SLC1A7: variants seen among roughly 807,000 people sequenced by gnomAD.
The protein encoded by SLC1A7 is solute carrier family 1 member 7, also known as excitatory amino acid transporter 5.
A neutral mutation model predicts 47.7 loss-of-function variants in SLC1A7; 40 were observed. That is an observed-to-expected ratio of 0.84 (90% CI 0.65 to 1.09). The LOEUF is 1.09. SLC1A7 is among the 50% of genes least tolerant of loss of function. The pLI is 0.00. For synonymous variants in SLC1A7, 323 were observed against 325.6 expected, an observed-to-expected ratio of 0.99 and a Z score of 0.09; for missense variants, 746 against 769.5, an observed-to-expected ratio of 0.97 and a Z score of 0.36.
chr1:53,099,543 C>T lies in SLC1A7; in HGVS notation c.697+3803G>A, dbSNP rs1644547121. ...CTTGGTACACTCACACACCCCACCACAATACCCTCACTTTGCCTCGGTACA... is the reference window on the plus strand; with the variant it reads ...CTTGGTACACTCACACACCCCACCATAATACCCTCACTTTGCCTCGGTACA... On this transcript the variant is annotated intron_variant, in intron 5 of 10. Transcript: ENST00000371494. 6.7e-5 allele frequency among the ~76,000 whole-genome samples: 10 copies of T among 149,518 alleles called. No homozygotes were observed. In the South Asian group the frequency reaches 2.1e-3, roughly 32 times the overall value.
intron 2 of SLC1A7, among the ~76,000 whole-genome samples, chr1:53,120,881 G>A (rs1382134518): frequency 1.3e-5 from 2 of 152,256 alleles, no homozygotes; most frequent in Non-Finnish European, 2.9e-5. Context: ...GCCCTCTGAA[G>A]GCTGCCCTGG....
Position 53,103,483 on chromosome 1 carries a change from A to C in SLC1A7, c.560T>G (p.Val187Gly). ...CACATGGGAGCCATTCTCCTCCTGG[A>C]CCCCGTAGATGAGGATCCGCCGAGG... is the stretch of plus-strand genomic sequence containing the variant. Reference protein sequence around the residue: ...APPRRILIYGVQEENGSHVQN... With the variant: ...APPRRILIYGGQEENGSHVQN... The change falls in exon 5 of 11, where the codon GTC becomes GGC. Residue 187 changes from valine (V) to glycine (G), a missense_variant. Transcript: ENST00000371494. The C allele has an allele frequency of 6.2e-7, 1 of 1,612,830 alleles. No homozygotes were observed. The highest frequency in any genetic ancestry group is 1.3e-5 in the African/African-American group (1 of 74,834).
chr1:53,106,211 G>T (rs13375492), intron 3 of SLC1A7, among the ~76,000 whole-genome samples: 2 of 151,976 alleles, frequency 1.3e-5, no homozygotes, highest in African/African-American at 4.8e-5. Flanking sequence ...CCGCCTTGCA[G>T]GTGGGACTTG....
rs912845676 is a variant in SLC1A7, at chr1:53,108,390, G to A, written c.432-2616C>T. ...CTTTACAATTACAATCATTTTAAATGTGGGCCTTGGCAGGGACAGCTAGTT... is the reference window on the plus strand; with the variant it reads ...CTTTACAATTACAATCATTTTAAATATGGGCCTTGGCAGGGACAGCTAGTT... On this transcript the variant is annotated intron_variant, in intron 3 of 10. Transcript: ENST00000371494. 16 of 594,762 alleles carry A rather than the reference G, an allele frequency of 2.7e-5. No individual in the cohort carries two copies. The African/African-American group carries it at 3.0e-4, about 11-fold the overall frequency. The allele number at this position is 594,762 out of a possible 1,614,324, so 36.8% of individuals were successfully genotyped here. A position where few individuals can be genotyped will look rare whatever the true frequency, so the allele number is the denominator to read the frequency against.
chr1:53,092,336 C>T (rs569940733), intron 7 of SLC1A7, among the ~76,000 whole-genome samples: 2 of 152,366 alleles, frequency 1.3e-5, no homozygotes, highest in Admixed American at 6.5e-5. Context: ...ACTCAGTGAG[C>T]TTGAGGACTG....
In SLC1A7 at chr1:53,116,566, T is replaced by TA. The variant is rs754482036; in HGVS notation, c.216-1594dup. Among the ~76,000 whole-genome samples the TA allele has an allele frequency of 6.6e-5, 10 of 152,298 alleles. No individual in the cohort carries two copies. In the East Asian group the frequency reaches 1.5e-3, roughly 24 times the overall value. ...TTAGACATAAATCCTGAAGGGCTCA[T>TA]AATGGGATTGTGCAGCCAGAGGAAA... On this transcript the variant is annotated intron_variant, in intron 2 of 10. Coordinates refer to ENST00000371494, the MANE Select transcript of SLC1A7 (RefSeq NM_006671.6).
intron 3 of SLC1A7, among the ~76,000 whole-genome samples, chr1:53,108,947 A>T (rs1246982619): frequency 1.3e-5 from 2 of 152,216 alleles, no homozygotes; most frequent in Non-Finnish European, 2.9e-5. Flanking sequence ...GGGGAAATGT[A>T]CATTTTCTTT....
chr1:53,129,540 CAGGGGCTGGGTTG>C (rs1553164869), intron 2 of SLC1A7, among the ~76,000 whole-genome samples: 7 of 101,400 alleles, frequency 6.9e-5, no homozygotes, highest in East Asian at 3.0e-4. Context: ...GGACTTGGGC[CAGGGGCTGGGTTG>C]GAGAAATTCT....
chr1:53,132,594 C>T (rs551785958), intron 2 of SLC1A7, among the ~76,000 whole-genome samples: 1 of 152,240 alleles, frequency 6.6e-6, no homozygotes, highest in Admixed American at 6.5e-5. Flanking sequence ...GCCTATAATT[C>T]CCGCACTTTG....
chr1:53,107,293 C>T (rs1457536510), intron 3 of SLC1A7, among the ~76,000 whole-genome samples: 1 of 151,056 alleles, frequency 6.6e-6, no homozygotes, highest in Non-Finnish European at 1.5e-5. Flanking sequence ...GATTTTACTA[C>T]ATGAAAATAA....
At chr1:53,090,952 G>A (rs1283942954) in intron 7 of SLC1A7, 146 bp from the exon 8 acceptor site, 26 of 1,524,222 alleles carry the variant, frequency 1.7e-5, no homozygotes, top group East Asian at 2.5e-5. Flanking sequence ...GGTAAGGACC[G>A]CGGGCACTGC....
At chr1:53,106,707 T>G (rs1021289877) in intron 3 of SLC1A7, among the ~76,000 whole-genome samples, 1 of 152,232 alleles carries the variant, frequency 6.6e-6, no homozygotes, top group African/African-American at 2.4e-5. Flanking sequence ...TCTAAGTGTT[T>G]CGTACTTGAT....
In SLC1A7 at chr1:53,090,806, G is replaced by C; in HGVS notation, c.1032C>G (p.Ser344Arg). 6.2e-7 allele frequency: 1 copy of C among 1,609,034 alleles called. No homozygotes were observed. The highest frequency in any genetic ancestry group is 8.5e-7 in the Non-Finnish European group (1 of 1,177,802). Reference sequence around the variant, plus strand: ...TGAAGGTGATGGGCAGTGTGGCTGAGCTACGGTTAGAGGGGCCGGTGTCTG... The same window carrying C: ...TGAAGGTGATGGGCAGTGTGGCTGACCTACGGTTAGAGGGGCCGGTGTCTG... ...ALLIALATSSSSATLPITFKC... is the reference protein window; with the variant it reads ...ALLIALATSSRSATLPITFKC... The change falls in exon 8 of 11, where the codon AGC becomes AGG. Residue 344 changes from serine to arginine, a missense_variant and splice_region_variant. Physicochemically the swap from Ser to Arg is moderately radical, Grantham distance 110. Transcript: ENST00000371494.
chr1:53,099,162 T>G (rs1308479065), intron 5 of SLC1A7, among the ~76,000 whole-genome samples: 3 of 49,654 alleles, frequency 6.0e-5, no homozygotes, highest in East Asian at 1.5e-3. Flanking sequence ...CTCGGTACAC[T>G]CACAGAGTCT....
At chr1:53,101,449 A>G (rs992562500) in intron 5 of SLC1A7, among the ~76,000 whole-genome samples, 1 of 115,898 alleles carries the variant, frequency 8.6e-6, no homozygotes, top group Non-Finnish European at 1.8e-5. Context: ...ACATCTCACA[A>G]CGGTACACTC....
rs1391637799 is a variant in SLC1A7, at chr1:53,087,992, C to T, written c.*17G>A. On this transcript the variant is annotated 3_prime_UTR_variant, in exon 11 of 11. Transcript: ENST00000371494. ...CCTGCCCCTGGAGGCCTCGCCTGCCCCTGCAGCTCCGCAGGCTCAGACATT... is the reference window on the plus strand; with the variant it reads ...CCTGCCCCTGGAGGCCTCGCCTGCCTCTGCAGCTCCGCAGGCTCAGACATT... 5.5e-6 allele frequency: 8 copies of T among 1,443,830 alleles called. No individual in the cohort carries two copies. In the Admixed American group the frequency reaches 1.3e-4, roughly 24 times the overall value. The allele number at this position is 1,443,830 out of a possible 1,614,324, so 89.4% of individuals were successfully genotyped here. A position where few individuals can be genotyped will look rare whatever the true frequency, so the allele number is the denominator to read the frequency against.
At chr1:53,098,013 A>C (rs61769977) in intron 5 of SLC1A7, among the ~76,000 whole-genome samples, 140 of 104,420 alleles carry the variant, frequency 1.3e-3, no homozygotes, top group Middle Eastern at 8.2e-3. Context: ...TACACTCACA[A>C]ACCCTGCCTC....
rs1457371623 is a variant in SLC1A7 at position 53,092,752 on chromosome 1, C to T, written c.833G>A (p.Gly278Asp). Residue 278 changes from glycine to aspartate, a missense_variant, in exon 7 of 11, where the codon GGT (glycine) becomes GAT (aspartate). Physicochemically the swap from Gly to Asp is moderately conservative, Grantham distance 94. Transcript: ENST00000371494. ...FPFGIVFLIA[G>D]KILEMDDPRA... ...GGGGTCGTCCATCTCCAGGATCTTA[C>T]CCGCAATGAGGAACACAATGCCGAA... 2.5e-6 allele frequency: 4 copies of T among 1,613,918 alleles called. No individual in the cohort carries two copies. The African/African-American group carries it at 4.0e-5, about 16-fold the overall frequency.
chr1:53,100,469 C>T (rs1644561272), intron 5 of SLC1A7, among the ~76,000 whole-genome samples: 1 of 151,084 alleles, frequency 6.6e-6, no homozygotes, highest in African/African-American at 2.4e-5. Flanking sequence ...ATACACACTG[C>T]CTTGGTGCAC....
Sources: allele counts gnomAD v4.1 joint callset (sites outside exome capture counted in the v4.1 genomes callset), GRCh38; gene constraint gnomAD v4.1.1; transcripts MANE v1.5; gene names NCBI Gene and HGNC (gene_info 2026-07-23, HGNC 2026-07-21).